The following DCC variants were observed in gnomAD, a reference collection of about 807,000 sequenced individuals.
The protein encoded by DCC is DCC netrin 1 receptor.
In DCC, 58 loss-of-function variants were observed where a neutral mutation model predicts 172.5. The observed-to-expected ratio is 0.34, with a 90% confidence interval of 0.27 to 0.42. The LOEUF is 0.42. DCC is among the 10% of genes least tolerant of loss of function. The probability of loss-of-function intolerance (pLI) is 1.00; values close to 1 mark genes in which losing one functional copy is unlikely to be tolerated. For missense variants in DCC, 1,740 were observed against 1,791.0 expected, an observed-to-expected ratio of 0.97 and a Z score of 0.51; for synonymous variants, 709 against 644.5, an observed-to-expected ratio of 1.10 and a Z score of -1.52.
At chr18:53,101,846 TGC>T (rs1183776397) in intron 7 of DCC, among the ~76,000 whole-genome samples, 4 of 151,356 alleles carry the variant, frequency 2.6e-5, no homozygotes, top group Non-Finnish European at 4.4e-5. Flanking sequence ...TGTGTGCGTG[TGC>T]GTGTGAGTGT....
chr18:52,402,515 G>A (rs1986480671), intron 1 of DCC, among the ~76,000 whole-genome samples: 1 of 151,906 alleles, frequency 6.6e-6, no homozygotes. Context: ...AAGTTTCAAG[G>A]AATTATTATT....
intron 10 of DCC, among the ~76,000 whole-genome samples, chr18:53,206,400 TATATGTATTGTA>T (rs2055640707): frequency 1.2e-5 from 1 of 80,342 alleles, no homozygotes; most frequent in African/African-American, 4.9e-5. Flanking sequence ...TATATATACA[TATATGTATTGTA>T]ACACATATAT....
At chr18:52,692,624 G>T (rs2035945191) in intron 1 of DCC, among the ~76,000 whole-genome samples, 1 of 151,550 alleles carries the variant, frequency 6.6e-6, no homozygotes, top group Non-Finnish European at 1.5e-5. Flanking sequence ...TAGAGAGAGG[G>T]TTTCACTATA....
At chr18:52,581,712 T>C (rs934734643) in intron 1 of DCC, among the ~76,000 whole-genome samples, 1 of 152,198 alleles carries the variant, frequency 6.6e-6, no homozygotes, top group African/African-American at 2.4e-5. Context: ...TCCAGGAACA[T>C]GTCAGAGACA....
intron 1 of DCC, among the ~76,000 whole-genome samples, chr18:52,471,640 A>G (rs903185584): frequency 6.6e-6 from 1 of 152,204 alleles, no homozygotes; most frequent in South Asian, 2.1e-4. Flanking sequence ...GAGGGACAAA[A>G]AATTATATAG....
intron 1 of DCC, among the ~76,000 whole-genome samples, chr18:52,484,519 C>T (rs1456399086): frequency 3.3e-5 from 5 of 152,028 alleles, no homozygotes; most frequent in Admixed American, 3.3e-4. Context: ...GAATCAGACA[C>T]ATGGAAACTG....
At chr18:52,827,426 A>C (rs980826249) in intron 2 of DCC, among the ~76,000 whole-genome samples, 3 of 152,234 alleles carry the variant, frequency 2.0e-5, no homozygotes, top group Non-Finnish European at 4.4e-5. Flanking sequence ...TTTGGGAAGT[A>C]TATCCCTAGA....
chr18:53,386,632 G>T (rs2144996936), intron 16 of DCC, among the ~76,000 whole-genome samples: 1 of 152,232 alleles, frequency 6.6e-6, no homozygotes, highest in South Asian at 2.1e-4. Context: ...GACATATGTG[G>T]TATCTTCCTG....
chr18:52,613,297 C>T (rs1372396408), intron 1 of DCC, among the ~76,000 whole-genome samples: 1 of 151,972 alleles, frequency 6.6e-6, no homozygotes, highest in Non-Finnish European at 1.5e-5. Context: ...TCTCTGTAGC[C>T]CAGGCTGGAG....
At chr18:53,254,902 T>TA (rs919989039) in intron 12 of DCC, among the ~76,000 whole-genome samples, 28 of 152,208 alleles carry the variant, frequency 1.8e-4, no homozygotes, top group African/African-American at 5.8e-4. Context: ...TAACATATCC[T>TA]AATTTAACAC....
intron 2 of DCC, among the ~76,000 whole-genome samples, chr18:52,804,607 A>G (rs1412585661): frequency 6.6e-6 from 1 of 152,188 alleles, no homozygotes; most frequent in Non-Finnish European, 1.5e-5. Context: ...TTGCTCTGTC[A>G]CCAGGCTGAA....
intron 1 of DCC, among the ~76,000 whole-genome samples, chr18:52,749,858 T>C (rs2036968307): frequency 6.6e-6 from 1 of 152,240 alleles, no homozygotes; most frequent in African/African-American, 2.4e-5. Context: ...CTTTCTAATA[T>C]AGTTGCCTGC....
At chr18:53,351,401 G>GTATA (rs1216427865) in intron 15 of DCC, among the ~76,000 whole-genome samples, 1 of 11,942 alleles carries the variant, frequency 8.4e-5, no homozygotes, top group Non-Finnish European at 1.6e-4. Flanking sequence ...TATATACAGT[G>GTATA]TATATATATA....
chr18:52,825,954 T>C (rs1328992664), intron 2 of DCC, among the ~76,000 whole-genome samples: 2 of 152,194 alleles, frequency 1.3e-5, no homozygotes, highest in Non-Finnish European at 2.9e-5. Context: ...GCAGATAATA[T>C]TGTTACAGGA....
rs575193089 is a variant in DCC, at chr18:52,582,511, G to T, written c.92-169543G>T. Among the ~76,000 whole-genome samples the T allele has an allele frequency of 5.9e-5, 9 of 152,292 alleles. No individual in the cohort carries two copies. In the East Asian group the frequency reaches 1.7e-3, roughly 29 times the overall value. Reference sequence around the variant, plus strand: ...TATAGTAGCAAACCAATAAGCAAATGTACCTGTATTTGAAGTGACAATGCC... The same window carrying T: ...TATAGTAGCAAACCAATAAGCAAATTTACCTGTATTTGAAGTGACAATGCC... On this transcript the variant is annotated intron_variant, in intron 1 of 28. Coordinates refer to ENST00000442544, the MANE Select transcript of DCC (RefSeq NM_005215.4).
intron 1 of DCC, among the ~76,000 whole-genome samples, chr18:52,718,929 T>C (rs2036431353): frequency 6.6e-6 from 1 of 152,144 alleles, no homozygotes; most frequent in Non-Finnish European, 1.5e-5. Context: ...ACAAGAGAAA[T>C]GTATTCTCTC....
At chr18:53,061,204 C>A (rs949112077) in intron 5 of DCC, among the ~76,000 whole-genome samples, 1 of 152,046 alleles carries the variant, frequency 6.6e-6, no homozygotes, top group Non-Finnish European at 1.5e-5. Context: ...TTAAATCCAG[C>A]CCAATCTGGC....
chr18:52,604,864 T>C (rs1598949854), intron 1 of DCC, among the ~76,000 whole-genome samples: 2 of 152,120 alleles, frequency 1.3e-5, no homozygotes, highest in African/African-American at 4.8e-5. Context: ...CTCAATGAGT[T>C]TGTATACTTT....
intron 1 of DCC, among the ~76,000 whole-genome samples, chr18:52,506,889 T>C (rs1343809154): frequency 6.6e-6 from 1 of 152,156 alleles, no homozygotes; most frequent in African/African-American, 2.4e-5. Context: ...TTACGGATAT[T>C]GTGTATCATT....
Sources: gnomAD v4.1 joint callset for allele counts (sites outside exome capture counted in the v4.1 genomes callset) on GRCh38, gnomAD v4.1.1 for gene constraint, MANE v1.5 for transcripts, NCBI Gene and HGNC (gene_info 2026-07-23, HGNC 2026-07-21) for gene names.